Variants in ROBO2 observed in about 807,000 individuals in gnomAD.
ROBO2 encodes roundabout guidance receptor 2, also known as roundabout homolog 2.
ROBO2 carries 53 observed loss-of-function variants against 160.8 expected under a neutral mutation model. That is an observed-to-expected ratio of 0.33 (90% confidence interval 0.26 to 0.41). The LOEUF (loss-of-function observed/expected upper bound fraction) is 0.41, where lower values mean the gene tolerates loss of function less well. ROBO2 is among the 10% of genes least tolerant of loss of function. ROBO2 has a pLI of 1.00. For missense variants in ROBO2, 1,577 were observed against 1,722.4 expected (o/e 0.92, Z 1.49); for synonymous variants, 664 against 611.7 (o/e 1.09, Z -1.26).
intron 2 of ROBO2, among the ~76,000 whole-genome samples, chr3:76,894,913 G>T (rs2074648769): frequency 6.6e-6 from 1 of 152,036 alleles, no homozygotes; most frequent in Admixed American, 6.6e-5. Flanking sequence ...GAAGAACCAA[G>T]ATTATTTTCT....
At chr3:76,631,757 C>T in intron 2 of ROBO2, among the ~76,000 whole-genome samples, 1 of 152,086 alleles carries the variant, frequency 6.6e-6, no homozygotes, top group East Asian at 1.9e-4. Context: ...TTAAACCTGG[C>T]TTCTTGGTCG....
rs568650468 is a variant in ROBO2 at position 76,510,069 on chromosome 3, A to C, written c.109+572467A>C. Among the ~76,000 whole-genome samples the C allele has an allele frequency of 5.9e-5, 9 of 152,288 alleles. No homozygotes were observed. In the East Asian group the frequency reaches 9.7e-4, roughly 16 times the overall value. ...CACCCACAAAGGGTAATAAAATGGC[A>C]CATGTGCAGGCTGGACATGCCAAGG... On this transcript the variant is annotated intron_variant, in intron 2 of 26. Transcript: ENST00000487694.
intron 2 of ROBO2, among the ~76,000 whole-genome samples, chr3:77,000,485 A>G (rs1309664958): frequency 2.6e-5 from 4 of 152,168 alleles, no homozygotes; most frequent in Non-Finnish European, 5.9e-5. Context: ...TACTTATTTC[A>G]GGCAGAGTGG....
chr3:76,301,397 A>T (rs1447034616), intron 2 of ROBO2, among the ~76,000 whole-genome samples: 1 of 152,152 alleles, frequency 6.6e-6, no homozygotes, highest in Non-Finnish European at 1.5e-5. Flanking sequence ...CTTTCAAAAA[A>T]AACTGAGAAT....
chr3:76,351,472 GAT>G (rs887481142), intron 2 of ROBO2, among the ~76,000 whole-genome samples: 4 of 151,870 alleles, frequency 2.6e-5, no homozygotes, highest in Admixed American at 2.0e-4. Context: ...TTGTCCATTG[GAT>G]ATTGTGATTT....
chr3:77,632,727 T>G, intron 23 of ROBO2: 8 of 1,349,830 alleles, frequency 5.9e-6, no homozygotes, highest in Non-Finnish European at 7.9e-6. Context: ...TCTTTTCTCC[T>G]GTTCTTTCTC....
chr3:76,314,807 G>A (rs1225472026), intron 2 of ROBO2, among the ~76,000 whole-genome samples: 1 of 151,978 alleles, frequency 6.6e-6, no homozygotes, highest in East Asian at 1.9e-4. Flanking sequence ...GTCAACAGTG[G>A]GTTATTAGTG....
At chr3:77,278,431 A>G (rs1172564669) in intron 2 of ROBO2, among the ~76,000 whole-genome samples, 1 of 152,184 alleles carries the variant, frequency 6.6e-6, no homozygotes, top group Non-Finnish European at 1.5e-5. Context: ...GCTAGAAAAT[A>G]AATATAACAC....
intron 2 of ROBO2, among the ~76,000 whole-genome samples, chr3:76,585,773 G>A (rs942414028): frequency 1.3e-5 from 2 of 152,134 alleles, no homozygotes; most frequent in Non-Finnish European, 1.5e-5. Flanking sequence ...GTCCACATGA[G>A]CTTATTGTTA....
intron 2 of ROBO2, among the ~76,000 whole-genome samples, chr3:76,178,807 G>A (rs2073322566): frequency 6.6e-6 from 1 of 152,054 alleles, no homozygotes; most frequent in Admixed American, 6.6e-5. Context: ...TGGGCATGGT[G>A]GTGCATGCCT....
intron 2 of ROBO2, among the ~76,000 whole-genome samples, chr3:76,911,733 G>A (rs1577421072): frequency 6.6e-6 from 1 of 152,008 alleles, no homozygotes; most frequent in East Asian, 1.9e-4. Flanking sequence ...TTTTTGACTG[G>A]CAATGCATAA....
chr3:75,951,379 T>C (rs1192452661), intron 2 of ROBO2, among the ~76,000 whole-genome samples: 2 of 152,194 alleles, frequency 1.3e-5, no homozygotes, highest in Non-Finnish European at 2.9e-5. Context: ...CTCTCCTTCA[T>C]CTACTCGTTC....
chr3:76,117,007 C>T (rs182094193), intron 2 of ROBO2, among the ~76,000 whole-genome samples: 3 of 152,248 alleles, frequency 2.0e-5, no homozygotes, highest in South Asian at 2.1e-4. Context: ...TATGAGCTAA[C>T]GAATCACTTT....
intron 2 of ROBO2, among the ~76,000 whole-genome samples, chr3:76,524,573 A>G (rs939455014): frequency 6.6e-6 from 1 of 151,796 alleles, no homozygotes; most frequent in Non-Finnish European, 1.5e-5. Flanking sequence ...ACGCTTTTCA[A>G]TGGAATTCAA....
intron 2 of ROBO2, among the ~76,000 whole-genome samples, chr3:77,290,067 A>G (rs1171008991): frequency 6.6e-6 from 1 of 151,190 alleles, no homozygotes; most frequent in African/African-American, 2.4e-5. Flanking sequence ...AGATCACCAA[A>G]GACATAAAGT....
intron 2 of ROBO2, among the ~76,000 whole-genome samples, chr3:77,446,483 A>T (rs1019080349): frequency 6.6e-6 from 1 of 152,102 alleles, no homozygotes; most frequent in African/African-American, 2.4e-5. Context: ...ACAGAAAAAA[A>T]GTACATCAAA....
intron 2 of ROBO2, among the ~76,000 whole-genome samples, chr3:77,194,508 C>T (rs561344545): frequency 5.3e-5 from 8 of 152,154 alleles, no homozygotes; most frequent in African/African-American, 1.7e-4. Context: ...ATTTTAGTGA[C>T]TGCAGAAAAA....
chr3:77,381,632 C>T (rs1359773704), intron 2 of ROBO2, among the ~76,000 whole-genome samples: 1 of 152,150 alleles, frequency 6.6e-6, no homozygotes, highest in Non-Finnish European at 1.5e-5. Context: ...ACACACTACC[C>T]ATGGTTAGAT....
intron 5 of ROBO2, among the ~76,000 whole-genome samples, chr3:77,521,817 A>G (rs1329013676): frequency 6.6e-6 from 1 of 151,264 alleles, no homozygotes; most frequent in African/African-American, 2.4e-5. Context: ...CAAGCCTAAA[A>G]TGTTTGTATT....
Sources: gnomAD v4.1 joint callset for allele counts (sites outside exome capture counted in the v4.1 genomes callset) on GRCh38, gnomAD v4.1.1 for gene constraint, MANE v1.5 for transcripts, NCBI Gene and HGNC (gene_info 2026-07-23, HGNC 2026-07-21) for gene names.